The following CNTNAP2 variants were observed in gnomAD, a reference collection of about 807,000 sequenced individuals.
CNTNAP2 encodes the protein contactin-associated protein-like 2.
Under a neutral mutation model 155.2 loss-of-function variants are expected in CNTNAP2, and 98 were observed. The ratio of observed to expected loss-of-function variants is 0.63; its 90% confidence interval spans 0.54 to 0.75. The LOEUF (loss-of-function observed/expected upper bound fraction) is 0.75, where lower values mean the gene tolerates loss of function less well. Among genes scored for constraint, CNTNAP2 ranks in the 30% least tolerant of loss-of-function variants. The pLI, the probability that CNTNAP2 is intolerant of heterozygous loss-of-function variation, is 0.00. For missense variants in CNTNAP2, 1,727 were observed against 1,688.1 expected (o/e 1.02, Z -0.40); for synonymous variants, 651 against 631.2 (o/e 1.03, Z -0.47).
At chr7:147,347,294 G>C (rs2116870777) in intron 9 of CNTNAP2, among the ~76,000 whole-genome samples, 1 of 151,862 alleles carries the variant, frequency 6.6e-6, no homozygotes, top group Middle Eastern at 3.4e-3. Context: ...CCCTAAAAGA[G>C]AGCTTGTGTT....
intron 9 of CNTNAP2, among the ~76,000 whole-genome samples, chr7:147,327,306 C>T (rs1795478684): frequency 1.3e-5 from 2 of 152,166 alleles, no homozygotes; most frequent in South Asian, 2.1e-4. Flanking sequence ...ATGTGATTTG[C>T]TAAGAATCCT....
intron 1 of CNTNAP2, among the ~76,000 whole-genome samples, chr7:146,487,830 C>T (rs1797079460): frequency 6.6e-6 from 1 of 152,136 alleles, no homozygotes; most frequent in Admixed American, 6.5e-5. Context: ...AGCCCAGCTC[C>T]ACGTGCTTCA....
At chr7:146,516,865 T>G (rs573045628) in intron 1 of CNTNAP2, among the ~76,000 whole-genome samples, 1 of 152,104 alleles carries the variant, frequency 6.6e-6, no homozygotes, top group African/African-American at 2.4e-5. Flanking sequence ...CGAAACTCCT[T>G]CGCAAAATCT....
At chr7:147,052,276 G>A (rs192353008) in intron 4 of CNTNAP2, among the ~76,000 whole-genome samples, 2 of 152,204 alleles carry the variant, frequency 1.3e-5, no homozygotes, top group Admixed American at 1.3e-4. Flanking sequence ...TCAACTGCAA[G>A]ATACTGGGAG....
intron 14 of CNTNAP2, among the ~76,000 whole-genome samples, chr7:147,905,398 T>C (rs1056408153): frequency 4.6e-5 from 7 of 152,220 alleles, no homozygotes; most frequent in Non-Finnish European, 1.0e-4. Context: ...TAAGATCTAG[T>C]ACCTGCACCT....
intron 3 of CNTNAP2, among the ~76,000 whole-genome samples, chr7:146,921,586 A>G (rs532608270): frequency 5.3e-5 from 8 of 152,276 alleles, no homozygotes; most frequent in Admixed American, 2.0e-4. Context: ...CACGTTTTAC[A>G]TGACATGAGA....
At chr7:147,912,558 G>A (rs1800085254) in intron 14 of CNTNAP2, among the ~76,000 whole-genome samples, 1 of 152,186 alleles carries the variant, frequency 6.6e-6, no homozygotes, top group African/African-American at 2.4e-5. Flanking sequence ...AAGGATTGGA[G>A]CTAACAGAAA....
At chr7:146,854,894 T>C (rs908990180) in intron 3 of CNTNAP2, among the ~76,000 whole-genome samples, 2 of 152,180 alleles carry the variant, frequency 1.3e-5, no homozygotes, top group African/African-American at 2.4e-5. Flanking sequence ...GTTGTTGTTC[T>C]ATTTGCAGGA....
At chr7:147,864,392 G>A (rs998385237) in intron 13 of CNTNAP2, among the ~76,000 whole-genome samples, 20 of 152,056 alleles carry the variant, frequency 1.3e-4, no homozygotes, top group African/African-American at 4.8e-4. Context: ...TTTGGCTTAG[G>A]ATTTTCTTGG....
At chr7:148,316,104 A>T (rs960509968) in intron 21 of CNTNAP2, among the ~76,000 whole-genome samples, 11 of 152,216 alleles carry the variant, frequency 7.2e-5, no homozygotes, top group Admixed American at 2.0e-4. Context: ...AGAACATGGC[A>T]GGAACCCAGT....
chr7:147,044,102 A>G lies in CNTNAP2; in HGVS notation c.550+48A>G, dbSNP rs180726032. ...TTGTGGCAGGTTTTATCTTTATTTA[A>G]ATAGTAAGCTGTTTTATTTTAAATT... On this transcript the variant is annotated intron_variant, in intron 4 of 23. Transcript: ENST00000361727. 398 of 1,603,880 alleles carry G rather than the reference A, an allele frequency of 2.5e-4. 4 individuals carry two copies. The African/African-American group carries it at 4.9e-3, about 20-fold the overall frequency.
At chr7:146,914,295 C>T (rs772947610) in intron 3 of CNTNAP2, among the ~76,000 whole-genome samples, 1 of 151,422 alleles carries the variant, frequency 6.6e-6, no homozygotes, top group East Asian at 1.9e-4. Flanking sequence ...ATTTTTTTTC[C>T]CTCTGGGTAG....
intron 3 of CNTNAP2, among the ~76,000 whole-genome samples, chr7:146,932,356 T>C (rs1215957992): frequency 4.0e-5 from 6 of 151,858 alleles, no homozygotes; most frequent in African/African-American, 1.5e-4. Flanking sequence ...TCTCAATAGA[T>C]GCAGAAAAGG....
intron 1 of CNTNAP2, among the ~76,000 whole-genome samples, chr7:146,445,208 A>G (rs1188149072): frequency 6.6e-6 from 1 of 152,212 alleles, no homozygotes; most frequent in Non-Finnish European, 1.5e-5. Flanking sequence ...GTTGTAATAA[A>G]TACTGCAGTA....
rs181632297 is a variant in CNTNAP2, at chr7:147,244,536, C to A, written c.1349-55605C>A. On this transcript the variant is annotated intron_variant, in intron 8 of 23. Transcript: ENST00000361727. The stretch of plus-strand genomic sequence containing the variant: ...CCATTCACTGGACAAATATTTCTTC[C>A]ATGTAAATGCCAGGCACCAGTTTAG... Among the ~76,000 whole-genome samples, 411 of 152,260 alleles carry A rather than the reference C, an allele frequency of 2.7e-3. 1 individual carries two copies. The highest frequency in any genetic ancestry group is 9.2e-3 in the African/African-American group (384 of 41,552).
intron 21 of CNTNAP2, among the ~76,000 whole-genome samples, chr7:148,323,881 A>AT (rs35049282): frequency 0.016 from 1,623 of 102,570 alleles, 49 homozygotes; most frequent in African/African-American, 0.052. Context: ...CTGAAGCCCC[A>AT]TTTTTTTTTT....
intron 1 of CNTNAP2, among the ~76,000 whole-genome samples, chr7:146,481,349 C>T (rs1796958031): frequency 6.6e-6 from 1 of 152,230 alleles, no homozygotes; most frequent in South Asian, 2.1e-4. Flanking sequence ...ATGTAGCATA[C>T]TGGCTCTAGA....
intron 15 of CNTNAP2, among the ~76,000 whole-genome samples, chr7:147,990,455 A>G (rs1042570561): frequency 2.6e-5 from 4 of 151,886 alleles, no homozygotes; most frequent in Non-Finnish European, 5.9e-5. Context: ...TGTGGAAGAG[A>G]AGTTTATTGC....
At chr7:147,305,483 C>T (rs1467329) in intron 9 of CNTNAP2, among the ~76,000 whole-genome samples, 5,265 of 152,258 alleles carry the variant, frequency 0.035, 126 homozygotes, top group South Asian at 0.052. Flanking sequence ...TCAAAGAATA[C>T]GAACTTGCAG....
Sources: allele counts gnomAD v4.1 joint callset (sites outside exome capture counted in the v4.1 genomes callset), GRCh38; gene constraint gnomAD v4.1.1; transcripts MANE v1.5; gene names NCBI Gene and HGNC (gene_info 2026-07-23, HGNC 2026-07-21).